The following PAQR5 variants were observed in gnomAD, a reference collection of about 807,000 sequenced individuals.
PAQR5 encodes the protein membrane progestin receptor gamma.
Under a neutral mutation model 34.5 loss-of-function variants are expected in PAQR5, and 20 were observed. That is an observed-to-expected ratio of 0.58 (90% CI 0.41 to 0.84). The LOEUF is 0.84. PAQR5 is among the 40% of genes least tolerant of loss of function. The pLI, the probability that PAQR5 is intolerant of heterozygous loss-of-function variation, is 0.00. For synonymous variants in PAQR5, 131 were observed against 155.6 expected (o/e 0.84, Z 1.18); for missense variants, 378 against 412.7 (o/e 0.92, Z 0.73).
At chr15:69,341,431 A>T (rs368669522) in intron 2 of PAQR5, among the ~76,000 whole-genome samples, 1 of 140,706 alleles carries the variant, frequency 7.1e-6, no homozygotes, top group Non-Finnish European at 1.5e-5. Context: ...ATCACAGCTC[A>T]CTGTGGCCTT....
At chr15:69,368,487 T>C (rs1330697897) in intron 3 of PAQR5, among the ~76,000 whole-genome samples, 1 of 152,266 alleles carries the variant, frequency 6.6e-6, no homozygotes, top group African/African-American at 2.4e-5. Flanking sequence ...CTTAACCTCT[T>C]GGATCTGAAA....
intron 6 of PAQR5, among the ~76,000 whole-genome samples, chr15:69,396,686 C>T (rs2056444660): frequency 6.6e-6 from 1 of 152,184 alleles, no homozygotes; most frequent in Admixed American, 6.5e-5. Context: ...CCCTGCCCCT[C>T]CCCATGTCCT....
rs140638076 is a variant in PAQR5, at chr15:69,363,442, C to G, written c.51+3311C>G. 4.2e-3 allele frequency among the ~76,000 whole-genome samples: 634 copies of G among 151,340 alleles called. 7 individuals are homozygous for G. Among genetic ancestry groups the G allele is most frequent in the African/African-American group, 0.015 (607 of 41,238 alleles). The stretch of plus-strand genomic sequence containing the variant: ...TACACAGACCCCTTTAGAGACAAAA[C>G]AGAGAGGCCTAGAAAAAAGACAACA... On this transcript the variant is annotated intron_variant, in intron 3 of 8. Coordinates refer to ENST00000395407, the MANE Select transcript of PAQR5 (RefSeq NM_017705.4).
chr15:69,320,250 T>A (rs1013658091), intron 1 of PAQR5, among the ~76,000 whole-genome samples: 1 of 152,232 alleles, frequency 6.6e-6, no homozygotes, highest in African/African-American at 2.4e-5. Context: ...TGGTGCTAGA[T>A]CTACAGGGCT....
At position 69,362,381 on chromosome 15, in the gene PAQR5, T is replaced by C. The variant is rs974439548; in HGVS notation, c.51+2250T>C. Among the ~76,000 whole-genome samples the C allele has an allele frequency of 3.3e-5, 5 of 152,362 alleles. No homozygotes were observed. The East Asian group carries it at 5.8e-4, about 18-fold the overall frequency. On this transcript the variant is annotated intron_variant, in intron 3 of 8. Transcript: ENST00000395407. ...GGTTCATGAAGCCATAGAGAAAATA[T>C]AGTGGCTCTGCCTGCCTGGAGGGTA...
intron 1 of PAQR5, among the ~76,000 whole-genome samples, chr15:69,300,057 T>C (rs2053496305): frequency 6.6e-6 from 1 of 152,116 alleles, no homozygotes; most frequent in African/African-American, 2.4e-5. Flanking sequence ...GTGGCGGGTT[T>C]CCCACCGCAT....
At chr15:69,317,459 C>T (rs201146276) in intron 1 of PAQR5, among the ~76,000 whole-genome samples, 1 of 152,204 alleles carries the variant, frequency 6.6e-6, no homozygotes, top group African/African-American at 2.4e-5. Flanking sequence ...GGTCCACCCC[C>T]CTACCCAGGT....
chr15:69,373,349 T>C (rs1504621), intron 3 of PAQR5, among the ~76,000 whole-genome samples: 144,087 of 152,068 alleles, frequency 0.95, 68,773 homozygotes, highest in South Asian at 1. Context: ...CATTATTCTG[T>C]CTACTGTAGA....
chr15:69,406,547 T>C lies in PAQR5; in HGVS notation c.*2725T>C, dbSNP rs1440207757. 2 of 152,252 alleles carry C rather than the reference T, an allele frequency of 1.3e-5. No homozygotes were observed. The highest frequency in any genetic ancestry group is 2.9e-5 in the Non-Finnish European group (2 of 68,064). The allele number at this position is 152,252 out of a possible 1,614,324, so 9.4% of individuals were successfully genotyped here. A position where few individuals can be genotyped will look rare whatever the true frequency, so the allele number is the denominator to read the frequency against. Reference sequence around the variant, plus strand: ...TCTTCTCACTACTGCACTTGACTAGTCTTAAAACAAAGAAAGAACGAATGA... The same window carrying C: ...TCTTCTCACTACTGCACTTGACTAGCCTTAAAACAAAGAAAGAACGAATGA... On this transcript the variant is annotated 3_prime_UTR_variant, in exon 9 of 9. Coordinates refer to ENST00000395407, the MANE Select transcript of PAQR5 (RefSeq NM_017705.4).
chr15:69,395,312 C>CA (rs757101554), intron 6 of PAQR5, among the ~76,000 whole-genome samples: 1 of 152,212 alleles, frequency 6.6e-6, no homozygotes, highest in East Asian at 1.9e-4. Flanking sequence ...CTGCCTGAGA[C>CA]AGAGGGGGTG....
intron 1 of PAQR5, among the ~76,000 whole-genome samples, chr15:69,319,603 A>G (rs2054048149): frequency 6.6e-6 from 1 of 152,106 alleles, no homozygotes; most frequent in Non-Finnish European, 1.5e-5. Flanking sequence ...CTTTGGAAAC[A>G]CAGCTGGGCT....
intron 1 of PAQR5, among the ~76,000 whole-genome samples, chr15:69,300,407 G>A (rs1716275413): frequency 6.6e-6 from 1 of 152,036 alleles, no homozygotes; most frequent in African/African-American, 2.4e-5. Flanking sequence ...TTTTCCAACT[G>A]CCTTATCTCT....
At chr15:69,338,107 A>G (rs1219787235) in intron 2 of PAQR5, among the ~76,000 whole-genome samples, 2 of 151,990 alleles carry the variant, frequency 1.3e-5, no homozygotes, top group African/African-American at 4.8e-5. Context: ...AAAACCAGAA[A>G]CAACAACAAC....
intron 3 of PAQR5, among the ~76,000 whole-genome samples, chr15:69,364,225 C>T (rs2055321390): frequency 6.6e-6 from 1 of 151,932 alleles, no homozygotes; most frequent in Non-Finnish European, 1.5e-5. Context: ...AACAAGGAGC[C>T]ATCTCAACAG....
intron 1 of PAQR5, among the ~76,000 whole-genome samples, chr15:69,304,540 A>T (rs777593020): frequency 1.3e-5 from 2 of 152,182 alleles, no homozygotes; most frequent in Non-Finnish European, 2.9e-5. Context: ...AGGAAAAAAG[A>T]TAGTGCCCCC....
intron 1 of PAQR5, among the ~76,000 whole-genome samples, chr15:69,333,155 A>G (rs1248107660): frequency 6.6e-6 from 1 of 151,962 alleles, no homozygotes; most frequent in African/African-American, 2.4e-5. Flanking sequence ...GCCAATCTTA[A>G]TACACACATG....
chr15:69,393,534 G>A (rs190303105), intron 6 of PAQR5, among the ~76,000 whole-genome samples: 5 of 147,770 alleles, frequency 3.4e-5, no homozygotes, highest in African/African-American at 1.2e-4. Context: ...TTTGGGCATC[G>A]TGCAATGTCG....
intron 2 of PAQR5, among the ~76,000 whole-genome samples, chr15:69,339,728 C>A (rs1358197235): frequency 6.6e-6 from 1 of 152,194 alleles, no homozygotes; most frequent in Non-Finnish European, 1.5e-5. Flanking sequence ...TCACCTGGGC[C>A]TCCCAAAGTG....
chr15:69,381,952 G>A (rs7175957), intron 4 of PAQR5, among the ~76,000 whole-genome samples: 2,743 of 152,292 alleles, frequency 0.018, 72 homozygotes, highest in East Asian at 0.1. Context: ...TTGTGGAAGC[G>A]AGGTGCTCTG....
Sources: allele counts gnomAD v4.1 joint callset (sites outside exome capture counted in the v4.1 genomes callset), GRCh38; gene constraint gnomAD v4.1.1; transcripts MANE v1.5; gene names NCBI Gene and HGNC (gene_info 2026-07-23, HGNC 2026-07-21).